The following MARK3 variants were observed in gnomAD, a reference collection of about 807,000 sequenced individuals.
MARK3 encodes MAP/microtubule affinity-regulating kinase 3.
In MARK3, 46 loss-of-function variants were observed where a neutral mutation model predicts 90.1. That is an observed-to-expected ratio of 0.51 (90% CI 0.40 to 0.65). MARK3 has a LOEUF of 0.65. Among genes scored for constraint, MARK3 ranks in the 30% least tolerant of loss-of-function variants. MARK3 has a pLI of 0.00. For synonymous variants in MARK3, 321 were observed against 332.6 expected, an observed-to-expected ratio of 0.97 and a Z score of 0.38; for missense variants, 818 against 947.2, an observed-to-expected ratio of 0.86 and a Z score of 1.79.
chr14:103,491,247 C>A (rs550321149), intron 14 of MARK3: 10 of 500,970 alleles, frequency 2.0e-5, no homozygotes, highest in Non-Finnish European at 3.0e-5. Context: ...TTAAGCACAT[C>A]TTTTGTCATG....
chr14:103,414,462 C>CT (rs1005266109), intron 2 of MARK3, among the ~76,000 whole-genome samples: 79 of 152,126 alleles, frequency 5.2e-4, no homozygotes, highest in African/African-American at 1.8e-3. Context: ...GCCTTGGCCT[C>CT]CCCAGGTGCT....
intron 3 of MARK3, among the ~76,000 whole-genome samples, chr14:103,447,444 C>T (rs532595998): frequency 2.3e-4 from 35 of 152,268 alleles, no homozygotes; most frequent in African/African-American, 8.2e-4. Flanking sequence ...CCACATAGGC[C>T]GCTGCTTCTC....
At position 103,462,423 on chromosome 14, in the gene MARK3, T is replaced by C; in HGVS notation, c.502T>C (p.Tyr168His). 6.2e-7 allele frequency: 1 copy of C among 1,604,538 alleles called. No homozygotes were observed. The highest frequency in any genetic ancestry group is 2.2e-5 in the East Asian group (1 of 44,524). The change falls in exon 7 of 18, where the codon TAC (tyrosine) becomes CAC (histidine). Residue 168 changes from tyrosine (Y) to histidine (H), a missense_variant. This residue lies in a region of MARK3 where 101 missense variants were observed against 175.1 expected (regional missense o/e 0.58). Transcript: ENST00000429436. ...KFRQIVSAVQ[Y>H]CHQKRIVHRD... Reference sequence around the variant, plus strand: ...TATTCAGATTGTGTCTGCAGTTCAATACTGCCATCAGAAACGGATCGTACA... The same window carrying C: ...TATTCAGATTGTGTCTGCAGTTCAACACTGCCATCAGAAACGGATCGTACA...
chr14:103,452,946 A>G (rs186754727), intron 5 of MARK3, among the ~76,000 whole-genome samples: 2 of 152,318 alleles, frequency 1.3e-5, no homozygotes, highest in Admixed American at 1.3e-4. Flanking sequence ...ATTTAAACAT[A>G]TGAATGCTTA....
rs543162605 is a variant in MARK3, at chr14:103,471,851, GA to G, written c.1265-3134del. 1.0e-3 allele frequency among the ~76,000 whole-genome samples: 154 copies of G among 151,876 alleles called. 5 individuals carry two copies. In the East Asian group the frequency reaches 0.025, roughly 25 times the overall value. On this transcript the variant is annotated intron_variant, in intron 12 of 17. Coordinates refer to ENST00000429436, the MANE Select transcript of MARK3 (RefSeq NM_001128918.3). ...TATTGGGGCAATTTGGTAGTTCTCA[GA>G]AAAAAAATTAATTTGGATCAATTTC...
At chr14:103,419,428 TC>T (rs1318116103) in intron 2 of MARK3, among the ~76,000 whole-genome samples, 1 of 152,192 alleles carries the variant, frequency 6.6e-6, no homozygotes, top group Non-Finnish European at 1.5e-5. Context: ...AAAATAATAA[TC>T]CTGTTACATG....
intron 1 of MARK3, among the ~76,000 whole-genome samples, chr14:103,402,660 T>C (rs1416126556): frequency 6.6e-6 from 1 of 152,102 alleles, no homozygotes; most frequent in Non-Finnish European, 1.5e-5. Context: ...AAAACACATA[T>C]TGAAGTCAAA....
intron 3 of MARK3, among the ~76,000 whole-genome samples, chr14:103,440,517 T>C (rs1019265218): frequency 3.9e-5 from 6 of 152,198 alleles, no homozygotes; most frequent in African/African-American, 7.2e-5. Context: ...GGAGAATTGC[T>C]TGAACCCGGG....
chr14:103,436,494 A>G (rs2141144826), intron 3 of MARK3, among the ~76,000 whole-genome samples: 1 of 152,084 alleles, frequency 6.6e-6, no homozygotes, highest in South Asian at 2.1e-4. Flanking sequence ...AACCACTGTA[A>G]AAATAGTTGT....
chr14:103,418,827 T>C (rs1388274490), intron 2 of MARK3, among the ~76,000 whole-genome samples: 4 of 152,238 alleles, frequency 2.6e-5, no homozygotes, highest in African/African-American at 7.2e-5. Flanking sequence ...TTTTTCAACA[T>C]ATTTTTGATT....
At position 103,490,762 on chromosome 14, in the gene MARK3, GAA is replaced by G. The variant is rs5811111; in HGVS notation, c.1587-1004_1587-1003del. The stretch of plus-strand genomic sequence containing the variant: ...AATAGATTTTTATGATTACTGTTTG[GAA>G]AAAAAAAAAAGCAACTATAGGTTAG... On this transcript the variant is annotated intron_variant, in intron 14 of 17. Coordinates refer to ENST00000429436, the MANE Select transcript of MARK3 (RefSeq NM_001128918.3). 1,433 of 158,080 alleles carry G rather than the reference GAA, an allele frequency of 9.1e-3. 4 individuals are homozygous for G. Among genetic ancestry groups the G allele is most frequent in the South Asian group, 0.028 (168 of 5,926 alleles). The allele number at this position is 158,080 out of a possible 1,614,324, so 9.8% of individuals were successfully genotyped here.
chr14:103,405,320 A>G (rs1284276161), intron 2 of MARK3, 53 bp downstream of exon 2: 4 of 1,340,058 alleles, frequency 3.0e-6, no homozygotes, highest in African/African-American at 1.5e-5. Context: ...GTTTATTTCC[A>G]TGTAAGAGAA....
intron 3 of MARK3, chr14:103,441,688 T>G (rs1566848824): frequency 6.6e-6 from 1 of 152,258 alleles, no homozygotes; most frequent in Non-Finnish European, 1.5e-5. Flanking sequence ...CCACCAGCAG[T>G]CATGTGTTAC....
At chr14:103,409,045 G>T (rs148550858) in intron 2 of MARK3, among the ~76,000 whole-genome samples, 1 of 152,112 alleles carries the variant, frequency 6.6e-6, no homozygotes, top group Non-Finnish European at 1.5e-5. Flanking sequence ...CCAAGAGAGC[G>T]TTGAGACAGA....
chr14:103,450,921 C>CTTT (rs869030067), intron 4 of MARK3, among the ~76,000 whole-genome samples: 712 of 52,640 alleles, frequency 0.014, 140 homozygotes, highest in Non-Finnish European at 0.019. Context: ...TGTGTGTATT[C>CTTT]TTTTTTTTTT....
intron 16 of MARK3, chr14:103,499,862 T>A: frequency 3.7e-5 from 1 of 27,310 alleles, no homozygotes; most frequent in Non-Finnish European, 7.0e-5. Flanking sequence ...GCGTGCGTGG[T>A]GTGCGGTGTG....
At chr14:103,468,613 A>C (rs1595826292) in intron 12 of MARK3, among the ~76,000 whole-genome samples, 1 of 152,000 alleles carries the variant, frequency 6.6e-6, no homozygotes, top group Admixed American at 6.5e-5. Context: ...GGCATGAGCC[A>C]CCGTGCCTGG....
intron 3 of MARK3, among the ~76,000 whole-genome samples, chr14:103,437,902 G>A (rs1195013990): frequency 6.6e-6 from 1 of 152,216 alleles, no homozygotes; most frequent in Non-Finnish European, 1.5e-5. Flanking sequence ...GTACAGCTGG[G>A]TTGGGATTAG....
intron 2 of MARK3, among the ~76,000 whole-genome samples, chr14:103,421,307 G>A (rs1056836732): frequency 3.0e-4 from 45 of 152,172 alleles, no homozygotes; most frequent in African/African-American, 9.4e-4. Context: ...CTAACCCCCA[G>A]AAGCAATGAT....
Sources: allele counts gnomAD v4.1 joint callset (sites outside exome capture counted in the v4.1 genomes callset), GRCh38; gene constraint gnomAD v4.1.1; regional missense constraint gnomAD v4.1.1; transcripts MANE v1.5; gene names NCBI Gene and HGNC (gene_info 2026-07-23, HGNC 2026-07-21).